ASIC2: variants seen among roughly 807,000 people sequenced by gnomAD.
ASIC2 encodes acid sensing ion channel subunit 2, also known as acid-sensing ion channel 2.
Under a neutral mutation model 57.3 loss-of-function variants are expected in ASIC2, and 25 were observed. That is an observed-to-expected ratio of 0.44 (90% CI 0.32 to 0.61). The LOEUF (loss-of-function observed/expected upper bound fraction) is 0.61, where lower values mean the gene tolerates loss of function less well. Ranked by LOEUF, ASIC2 falls within the 20% of genes least tolerant of loss-of-function variation. The probability of loss-of-function intolerance (pLI) is 0.06; values close to 1 mark genes in which losing one functional copy is unlikely to be tolerated. For missense variants in ASIC2, 641 were observed against 738.1 expected (o/e 0.87, Z 1.52); for synonymous variants, 319 against 307.5 (o/e 1.04, Z -0.39).
At chr17:33,857,166 T>G (rs1417338506) in intron 1 of ASIC2, among the ~76,000 whole-genome samples, 38 of 152,110 alleles carry the variant, frequency 2.5e-4, no homozygotes, top group Non-Finnish European at 5.3e-4. Flanking sequence ...CAACTCTAGT[T>G]CCCCATGCCC....
chr17:33,389,666 A>T (rs1909819975), intron 1 of ASIC2, among the ~76,000 whole-genome samples: 1 of 152,248 alleles, frequency 6.6e-6, no homozygotes, highest in South Asian at 2.1e-4. Flanking sequence ...CAGAGGAAAG[A>T]TCAAGGAAGA....
At chr17:33,851,243 C>T (rs377109) in intron 1 of ASIC2, among the ~76,000 whole-genome samples, 46,613 of 151,836 alleles carry the variant, frequency 0.31, 7,498 homozygotes, top group East Asian at 0.49. Context: ...GCAGCCATCC[C>T]ACCAGGGGAG....
At chr17:33,583,196 C>T (rs1004061318) in intron 1 of ASIC2, among the ~76,000 whole-genome samples, 2 of 152,160 alleles carry the variant, frequency 1.3e-5, no homozygotes, top group African/African-American at 4.8e-5. Flanking sequence ...ACTCACAAGG[C>T]CTCAATGCCA....
intron 1 of ASIC2, among the ~76,000 whole-genome samples, chr17:34,035,975 C>T (rs1475455430): frequency 4.6e-5 from 7 of 151,734 alleles, no homozygotes; most frequent in African/African-American, 1.5e-4. Flanking sequence ...GTCAGTGTCA[C>T]GATTCCTCAG....
At chr17:34,092,110 C>T (rs79203715) in intron 1 of ASIC2, among the ~76,000 whole-genome samples, 3,021 of 151,840 alleles carry the variant, frequency 0.02, 105 homozygotes, top group African/African-American at 0.069. Context: ...TAGTGGATCC[C>T]GGACACCAGG....
intron 3 of ASIC2, among the ~76,000 whole-genome samples, chr17:33,047,786 C>A (rs2091961146): frequency 6.6e-6 from 1 of 152,178 alleles, no homozygotes; most frequent in African/African-American, 2.4e-5. Context: ...CTCTGGGGTA[C>A]ATCATGAAAA....
intron 1 of ASIC2, among the ~76,000 whole-genome samples, chr17:33,433,665 G>A (rs142545829): frequency 6.6e-5 from 10 of 152,218 alleles, no homozygotes; most frequent in South Asian, 2.1e-4. Flanking sequence ...CAGGAGAATC[G>A]CTTGAACTTG....
intron 1 of ASIC2, among the ~76,000 whole-genome samples, chr17:34,121,607 T>C (rs1242286337): frequency 6.6e-6 from 1 of 152,154 alleles, no homozygotes; most frequent in Non-Finnish European, 1.5e-5. Flanking sequence ...AATCTCATCA[T>C]GTCCCTCCTC....
rs1912440103 is a variant in ASIC2, at chr17:34,147,059, A to G, written c.555+8919T>C. 4 of 152,240 alleles carry G rather than the reference A, an allele frequency of 2.6e-5. No individual in the cohort carries two copies. In the South Asian group the frequency reaches 8.3e-4, roughly 32 times the overall value. The allele number at this position is 152,240 out of a possible 1,614,324, so 9.4% of individuals were successfully genotyped here. On this transcript the variant is annotated intron_variant, in intron 1 of 9. Transcript: ENST00000359872. ...TATAATTAAACAAACAAATAAATAG[A>G]TAAATAGATCTGGTGGCAAATGAGC...
rs560158857 is a variant in ASIC2, at chr17:33,162,743, C to A, written c.709-50676G>T. ...GGGAATGCATTTCACAAATTAATTG[C>A]TATTTTTGTGGGTGTCTAAAGGTGA... On this transcript the variant is annotated intron_variant, in intron 1 of 9. Transcript: ENST00000225823. Among the ~76,000 whole-genome samples the A allele has an allele frequency of 2.0e-5, 3 of 152,142 alleles. No homozygotes were observed. In the East Asian group the frequency reaches 5.8e-4, roughly 29 times the overall value.
At chr17:33,684,488 C>T (rs1002077282) in intron 1 of ASIC2, among the ~76,000 whole-genome samples, 7 of 150,418 alleles carry the variant, frequency 4.7e-5, no homozygotes, top group South Asian at 2.1e-4. Flanking sequence ...CTGGGTTGGG[C>T]GCGGGTGCTC....
intron 1 of ASIC2, among the ~76,000 whole-genome samples, chr17:33,513,189 TG>T (rs1447404638): frequency 1.3e-5 from 2 of 152,226 alleles, no homozygotes; most frequent in Non-Finnish European, 2.9e-5. Context: ...ATACTTCTGT[TG>T]TTCTCAATTG....
chr17:33,416,552 C>G (rs1404166063), intron 1 of ASIC2, among the ~76,000 whole-genome samples: 1 of 152,170 alleles, frequency 6.6e-6, no homozygotes, highest in Non-Finnish European at 1.5e-5. Flanking sequence ...CTGGGATGAG[C>G]TACTAACCAG....
intron 1 of ASIC2, among the ~76,000 whole-genome samples, chr17:33,445,797 CAAA>C (rs60125160): frequency 0.087 from 10,474 of 120,808 alleles, 419 homozygotes; most frequent in Middle Eastern, 0.14. Context: ...AACTCCATCT[CAAA>C]AAAAAAAAAA....
chr17:33,385,987 C>A (rs1909661570), intron 1 of ASIC2, among the ~76,000 whole-genome samples: 1 of 152,186 alleles, frequency 6.6e-6, no homozygotes, highest in Admixed American at 6.5e-5. Flanking sequence ...ATAATGACAC[C>A]TACCTCTCTA....
At chr17:33,516,895 C>T (rs1914588067) in intron 1 of ASIC2, among the ~76,000 whole-genome samples, 1 of 152,180 alleles carries the variant, frequency 6.6e-6, no homozygotes, top group Non-Finnish European at 1.5e-5. Flanking sequence ...CAATGGACTG[C>T]CCTAGGGCAG....
At chr17:33,093,546 C>G (rs554820686) in intron 2 of ASIC2, among the ~76,000 whole-genome samples, 2 of 151,984 alleles carry the variant, frequency 1.3e-5, no homozygotes, top group African/African-American at 4.8e-5. Context: ...ACGCAGACAG[C>G]GTAACATGAA....
At chr17:33,548,843 C>G (rs1488710460) in intron 1 of ASIC2, among the ~76,000 whole-genome samples, 2 of 152,008 alleles carry the variant, frequency 1.3e-5, no homozygotes, top group African/African-American at 4.8e-5. Context: ...AGTCTCTCCC[C>G]CTGAAGCTTC....
chr17:34,035,774 G>A (rs925975402), intron 1 of ASIC2, among the ~76,000 whole-genome samples: 23 of 152,176 alleles, frequency 1.5e-4, no homozygotes, highest in Middle Eastern at 3.4e-3. Context: ...CAAAACACAC[G>A]TGAAAAAATG....
Sources: allele counts gnomAD v4.1 joint callset (sites outside exome capture counted in the v4.1 genomes callset), GRCh38; gene constraint gnomAD v4.1.1; transcripts MANE v1.5; gene names NCBI Gene and HGNC (gene_info 2026-07-23, HGNC 2026-07-21).